KIDINS220: variants seen among roughly 807,000 people sequenced by gnomAD.
KIDINS220 encodes kinase D interacting substrate 220.
In KIDINS220, 63 loss-of-function variants were observed where a neutral mutation model predicts 157.6. The ratio of observed to expected loss-of-function variants is 0.40; its 90% CI spans 0.33 to 0.49. The LOEUF (loss-of-function observed/expected upper bound fraction) is 0.49, where lower values mean the gene tolerates loss of function less well. KIDINS220 is among the 20% of genes least tolerant of loss of function. The probability of loss-of-function intolerance (pLI) is 0.66; values close to 1 mark genes in which losing one functional copy is unlikely to be tolerated. For synonymous variants in KIDINS220, 732 were observed against 783.6 expected, an observed-to-expected ratio of 0.93 and a Z score of 1.10; for missense variants, 1,772 against 2,171.2, an observed-to-expected ratio of 0.82 and a Z score of 3.65.
intron 22 of KIDINS220, among the ~76,000 whole-genome samples, chr2:8,756,346 A>C (rs1359275989): frequency 2.0e-5 from 3 of 152,216 alleles, no homozygotes; most frequent in African/African-American, 7.2e-5. Flanking sequence ...TTTGCTGATT[A>C]ATTAGCTCTA....
At chr2:8,803,237 G>A in intron 7 of KIDINS220, 110 bp from the exon 8 acceptor site, 1 of 943,766 alleles carries the variant, frequency 1.1e-6, no homozygotes. Context: ...TTTCAAATAG[G>A]TGGCCTATTA....
chr2:8,784,188 A>G (rs1672082721), intron 17 of KIDINS220, among the ~76,000 whole-genome samples: 1 of 150,750 alleles, frequency 6.6e-6, no homozygotes, highest in Non-Finnish European at 1.5e-5. Context: ...ACAACTGGAA[A>G]CAAAAAAAAA....
chr2:8,773,386 T>C (rs1191001784), intron 21 of KIDINS220, among the ~76,000 whole-genome samples: 2 of 152,156 alleles, frequency 1.3e-5, no homozygotes, highest in African/African-American at 4.8e-5. Context: ...CTTTAGAGTG[T>C]CTGAAAATGT....
intron 12 of KIDINS220, 69 bp from the exon 13 acceptor site, chr2:8,791,293 A>G: frequency 7.3e-7 from 1 of 1,371,022 alleles, no homozygotes; most frequent in Admixed American, 1.9e-5. Context: ...CACTATTTTC[A>G]TTGTTTCCTT....
At chr2:8,775,674 G>A (rs1670867463) in intron 21 of KIDINS220, among the ~76,000 whole-genome samples, 1 of 152,212 alleles carries the variant, frequency 6.6e-6, no homozygotes, top group South Asian at 2.1e-4. Context: ...AGATTAATAT[G>A]AGACACAGGG....
chr2:8,828,326 T>C (rs1212795036), intron 1 of KIDINS220, among the ~76,000 whole-genome samples: 2 of 152,202 alleles, frequency 1.3e-5, no homozygotes, highest in African/African-American at 2.4e-5. Flanking sequence ...GGATGTGGGA[T>C]GTCAGGGTAC....
At chr2:8,745,993 CTTTT>C (rs530252729) in intron 26 of KIDINS220, among the ~76,000 whole-genome samples, 23 of 139,790 alleles carry the variant, frequency 1.6e-4, no homozygotes, top group African/African-American at 5.2e-4. Context: ...AAACTGGGTT[CTTTT>C]TTTTTTTTTT....
At chr2:8,751,273 T>G (rs56233403) in intron 23 of KIDINS220, among the ~76,000 whole-genome samples, 193 bp downstream of exon 23, 1 of 151,270 alleles carries the variant, frequency 6.6e-6, no homozygotes, top group Non-Finnish European at 1.5e-5. Context: ...TTTTTTTTTG[T>G]TTTTGTTTTT....
Position 8,734,743 on chromosome 2 carries a change from T to C in KIDINS220, c.3728A>G (p.Asn1243Ser). The C allele has an allele frequency of 6.2e-7, 1 of 1,610,768 alleles. No homozygotes were observed. Among genetic ancestry groups the C allele is most frequent in the Non-Finnish European group, 8.5e-7 (1 of 1,178,606 alleles). ...YCTTIKKANI[N>S]GRVLAQCNID... Reference sequence around the variant, plus strand: ...GTTACACTGAGCTAACACACGGCCATTTATGTTTGCCTGAGTAAAAATTAA... The same window carrying C: ...GTTACACTGAGCTAACACACGGCCACTTATGTTTGCCTGAGTAAAAATTAA... Residue 1243 changes from asparagine to serine, a missense_variant, in exon 28 of 30, where the codon AAT becomes AGT. By Grantham distance (46) the Asn-to-Ser change is conservative. This residue lies in a region of KIDINS220 where 793 missense variants were observed against 885.5 expected (regional missense o/e 0.90). Transcript: ENST00000256707.
At chr2:8,794,421 T>A (rs936585385) in intron 11 of KIDINS220, 1 of 155,010 alleles carries the variant, frequency 6.5e-6, no homozygotes, top group Non-Finnish European at 1.4e-5. Flanking sequence ...AGCGTTACAA[T>A]CCATGCGGAC....
At chr2:8,824,175 T>C (rs1572816188) in intron 2 of KIDINS220, among the ~76,000 whole-genome samples, 1 of 152,250 alleles carries the variant, frequency 6.6e-6, no homozygotes, top group East Asian at 1.9e-4. Flanking sequence ...ATAGAAAATA[T>C]ATACCAGAAT....
intron 11 of KIDINS220, 138 bp from the exon 12 acceptor site, chr2:8,794,125 AT>A: frequency 1.7e-6 from 1 of 582,020 alleles, no homozygotes; most frequent in Non-Finnish European, 2.8e-6. Context: ...TATAATATGA[AT>A]TTTTATCTCT....
At chr2:8,826,174 T>C (rs1474576005) in intron 2 of KIDINS220, among the ~76,000 whole-genome samples, 1 of 152,208 alleles carries the variant, frequency 6.6e-6, no homozygotes, top group Non-Finnish European at 1.5e-5. Context: ...AGGAGAAATA[T>C]CTCATTTGAG....
intron 11 of KIDINS220, among the ~76,000 whole-genome samples, chr2:8,794,552 C>T (rs1673645639): frequency 6.6e-6 from 1 of 152,182 alleles, no homozygotes; most frequent in Non-Finnish European, 1.5e-5. Context: ...CACCTATCCT[C>T]CTCCGACTCT....
chr2:8,823,179 C>G (rs924790900), intron 2 of KIDINS220, among the ~76,000 whole-genome samples: 4 of 152,032 alleles, frequency 2.6e-5, no homozygotes, highest in African/African-American at 9.7e-5. Context: ...CCAGGCTGGT[C>G]TCAAACTCCT....
At position 8,730,282 on chromosome 2, in the gene KIDINS220, C is replaced by T. The variant is rs1488933393; in HGVS notation, c.*438G>A. ...GGCTGTGCACTCACCTAGGTGAGCCCCTAAGAGCAGGGTTTGCTTCTGCTT... is the reference window on the plus strand; with the variant it reads ...GGCTGTGCACTCACCTAGGTGAGCCTCTAAGAGCAGGGTTTGCTTCTGCTT... On this transcript the variant is annotated 3_prime_UTR_variant, in exon 30 of 30. Coordinates refer to ENST00000256707, the MANE Select transcript of KIDINS220 (RefSeq NM_020738.4). 6.0e-6 allele frequency: 6 copies of T among 999,426 alleles called. No individual in the cohort carries two copies. The highest frequency in any genetic ancestry group is 1.2e-6 in the Non-Finnish European group (1 of 839,276). 61.9% of individuals were successfully genotyped at this position (999,426 alleles called of 1,614,324 possible).
intron 17 of KIDINS220, among the ~76,000 whole-genome samples, chr2:8,784,727 C>G (rs1572645299): frequency 6.6e-6 from 1 of 152,164 alleles, no homozygotes; most frequent in African/African-American, 2.4e-5. Context: ...GCACACCTAA[C>G]AGAATGGCCA....
At chr2:8,757,906 A>G (rs6750682) in intron 22 of KIDINS220, 237,175 of 860,906 alleles carry the variant, frequency 0.28, 33,564 homozygotes, top group African/African-American at 0.33. Flanking sequence ...CTTGTTGCCC[A>G]GGCTGGAGTG....
rs1671287489 is a variant in KIDINS220 at position 8,778,638 on chromosome 2, C to T, written c.2703+1G>A. 1 of 1,606,590 alleles carries T rather than the reference C, an allele frequency of 6.2e-7. No individual in the cohort carries two copies. Among genetic ancestry groups the T allele is most frequent in the Admixed American group, 1.7e-5 (1 of 59,996 alleles). On this transcript the variant is annotated splice_donor_variant, in intron 20 of 29. Coordinates refer to ENST00000256707, the MANE Select transcript of KIDINS220 (RefSeq NM_020738.4). LOFTEE classifies it high-confidence loss of function. ...ACAGCTCGAAGCCAATGGCATCTTA[C>T]CCGTCTATTGAGGGCTGTCTTGCTA...
Sources: allele counts gnomAD v4.1 joint callset (sites outside exome capture counted in the v4.1 genomes callset), GRCh38; gene constraint gnomAD v4.1.1; regional missense constraint gnomAD v4.1.1; transcripts MANE v1.5; gene names NCBI Gene and HGNC (gene_info 2026-07-23, HGNC 2026-07-21).